C2CD2L: variants seen among roughly 807,000 people sequenced by gnomAD.
The protein encoded by C2CD2L is phospholipid transfer protein C2CD2L.
A neutral mutation model predicts 69.9 loss-of-function variants in C2CD2L; 24 were observed. The ratio of observed to expected loss-of-function variants is 0.34; its 90% confidence interval spans 0.25 to 0.48. The LOEUF is 0.48. Among genes scored for constraint, C2CD2L ranks in the 20% least tolerant of loss-of-function variants. C2CD2L has a pLI of 0.99. For missense variants in C2CD2L, 811 were observed against 941.5 expected, an observed-to-expected ratio of 0.86 and a Z score of 1.81; for synonymous variants, 367 against 391.0, an observed-to-expected ratio of 0.94 and a Z score of 0.72.
At chr11:119,105,452 A>G (rs1400247591), upstream of C2CD2L, among the ~76,000 whole-genome samples, 2 of 152,168 alleles carry the variant, frequency 1.3e-5, no homozygotes, top group Admixed American at 6.5e-5. Flanking sequence ...CAGCCTGGCC[A>G]ACATGGTGAA....
rs375477516 is a variant in C2CD2L at position 119,111,353 on chromosome 11, C to T, written c.889C>T (p.His297Tyr). Reference sequence around the variant, plus strand: ...ATTCCTACGGCAGCTTCGGGCATCTCACTTGGGAAATGAGCTGGAAGGTGA... The same window carrying T: ...ATTCCTACGGCAGCTTCGGGCATCTTACTTGGGAAATGAGCTGGAAGGTGA... ...RLFLRQLRAS[H>Y]LGNELEGTEE... The change falls in exon 6 of 14, where the codon CAC becomes TAC. Residue 297 changes from histidine (H) to tyrosine (Y), a missense_variant. His to Tyr is a moderately conservative substitution (Grantham distance 83, BLOSUM62 2). Transcript: ENST00000648610. The T allele has an allele frequency of 5.6e-6, 9 of 1,614,066 alleles. No individual in the cohort carries two copies. Among genetic ancestry groups the T allele is most frequent in the South Asian group, 1.1e-5 (1 of 91,082 alleles).
Position 119,114,229 on chromosome 11 carries a change from C to G in C2CD2L, c.1773C>G (p.Leu591=), listed in dbSNP as rs1946828458. 1 of 1,614,046 alleles carries G rather than the reference C, an allele frequency of 6.2e-7. No individual in the cohort carries two copies. Among genetic ancestry groups the G allele is most frequent in the Non-Finnish European group, 8.5e-7 (1 of 1,180,032 alleles). The change falls in exon 13 of 14, where the codon CTC becomes CTG. Residue 591 remains leucine, a synonymous_variant. Coordinates refer to ENST00000648610, the MANE Select transcript of C2CD2L (RefSeq NM_001290474.2). The surrounding 1 kb of genome is among the most constrained non-coding windows in gnomAD (Gnocchi z 5.1). ...PAMSPGPLDA[L]SSPTSVQEAD... ...TGTCTCCAGGACCGCTAGATGCCCT[C>G]TCTAGTCCCACAAGTGTCCAGGAAG...
chr11:119,111,949 A>G (rs1267828133), intron 7 of C2CD2L: 16 of 449,290 alleles, frequency 3.6e-5, no homozygotes, highest in Non-Finnish European at 5.2e-5. Flanking sequence ...TAAGGATCAG[A>G]GTAGGCTTCA....
rs778038951 is a variant in C2CD2L at position 119,110,225 on chromosome 11, C to T, written c.450+26C>T. The T allele has an allele frequency of 1.3e-6, 2 of 1,539,368 alleles. No homozygotes were observed. The highest frequency in any genetic ancestry group is 2.7e-5 in the African/African-American group (2 of 73,374). On this transcript the variant is annotated intron_variant, in intron 2 of 13. Transcript: ENST00000648610. The surrounding 1 kb of genome is among the most constrained non-coding windows in gnomAD (Gnocchi z 5.7). The stretch of plus-strand genomic sequence containing the variant: ...GTAAGGGTCTGATGGGCACTGCCCT[C>T]TTTGGGGTCCAAGAAGGACTGACCC...
Position 119,110,627 on chromosome 11 carries a change from G to A in C2CD2L, c.517G>A (p.Ala173Thr), listed in dbSNP as rs769498574. The A allele has an allele frequency of 2.4e-5, 38 of 1,612,720 alleles. No homozygotes were observed. Among genetic ancestry groups the A allele is most frequent in the African/African-American group, 1.3e-4 (10 of 74,852 alleles). ...AGTCTCTGTGACCCAGCAGTCCCCC[G>A]CTGCCGTCTCCATGGAGACCTACCA... The part of the protein sequence containing the change: ...FPVSVTQQSP[A>T]AVSMETYHVT... The change falls in exon 3 of 14, where the codon GCT becomes ACT. Residue 173 changes from alanine to threonine, a missense_variant. Coordinates refer to ENST00000648610, the MANE Select transcript of C2CD2L (RefSeq NM_001290474.2). The surrounding 1 kb of genome is among the most constrained non-coding windows in gnomAD (Gnocchi z 5.7).
In C2CD2L at chr11:119,111,056, G is replaced by T. The variant is rs769966825; in HGVS notation, c.686G>T (p.Gly229Val). 1.2e-6 allele frequency: 2 copies of T among 1,613,462 alleles called. No homozygotes were observed. The highest frequency in any genetic ancestry group is 1.7e-5 in the Admixed American group (1 of 60,024). The change falls in exon 5 of 14, where the codon GGT (glycine) becomes GTT (valine). Residue 229 changes from glycine to valine, a missense_variant. Transcript: ENST00000648610. ...GTTCCCTTCTTCTCTCTGCAGAGAG[G>T]TGAAGAACAAGTGGAGCTCTCCACA... ...VLPKLQARER[G>V]EEQVELSTIE...
In C2CD2L at chr11:119,107,478, C is replaced by T. The variant is rs1282061733; in HGVS notation, c.-264C>T. On this transcript the variant is annotated 5_prime_UTR_variant, in exon 1 of 14. Transcript: ENST00000648610. This position sits in a 1 kb window ranked among gnomAD's most constrained non-coding sequence, Gnocchi z 5.4. ...GCGGTGGGAGGAGTCGGGCACTGGCCGGCGACTAACGGGTCCGACTGCTGA... is the reference window on the plus strand; with the variant it reads ...GCGGTGGGAGGAGTCGGGCACTGGCTGGCGACTAACGGGTCCGACTGCTGA... 8 of 335,988 alleles carry T rather than the reference C, an allele frequency of 2.4e-5. No homozygotes were observed. In the East Asian group the frequency reaches 3.7e-4, roughly 15 times the overall value. The allele number at this position is 335,988 out of a possible 1,614,324, so 20.8% of individuals were successfully genotyped here. A position where few individuals can be genotyped will look rare whatever the true frequency, so the allele number is the denominator to read the frequency against.
chr11:119,102,409 C>A (rs757021476), upstream of C2CD2L: 3 of 452,828 alleles, frequency 6.6e-6, no homozygotes, highest in African/African-American at 6.1e-5. Flanking sequence ...AACAAAGCTA[C>A]GATTTGGAAG....
At position 119,110,926 on chromosome 11, in the gene C2CD2L, T is replaced by A; in HGVS notation, c.650T>A (p.Leu217Gln). 1.2e-6 allele frequency: 2 copies of A among 1,614,150 alleles called. No individual in the cohort carries two copies. The highest frequency in any genetic ancestry group is 2.7e-5 in the African/African-American group (2 of 75,064). Residue 217 changes from leucine to glutamine, a missense_variant, in exon 4 of 14, where the codon CTA (leucine) becomes CAA (glutamine). By Grantham distance (113) the Leu-to-Gln change is moderately radical. Coordinates refer to ENST00000648610, the MANE Select transcript of C2CD2L (RefSeq NM_001290474.2). This position sits in a 1 kb window ranked among gnomAD's most constrained non-coding sequence, Gnocchi z 5.7. ...TTCACTGATCGCCCAGATCTCAGCC[T>A]AACGGTGCTTCCCAAGCTTCAGGCC... is the stretch of plus-strand genomic sequence containing the variant. ...WAFTDRPDLS[L>Q]TVLPKLQARE...
Position 119,113,848 on chromosome 11 carries a change from CT to C in C2CD2L, c.1490-6del. 3.7e-6 allele frequency: 6 copies of C among 1,613,920 alleles called. No homozygotes were observed. Among genetic ancestry groups the C allele is most frequent in the Non-Finnish European group, 5.1e-6 (6 of 1,179,822 alleles). On this transcript the variant is annotated splice_region_variant and splice_polypyrimidine_tract_variant and intron_variant, in intron 11 of 13. Transcript: ENST00000648610. ...GTCAGGTTATTCATTCTCTGCACCC[CT>C]AGCAGGGGACAGCCACCTTTCCAAC...
chr11:119,113,961 C>T lies in C2CD2L; in HGVS notation c.1596C>T (p.Ser532=). 6.2e-7 allele frequency: 1 copy of T among 1,614,212 alleles called. No individual in the cohort carries two copies. Among genetic ancestry groups the T allele is most frequent in the South Asian group, 1.1e-5 (1 of 91,086 alleles). ...RVAKKTPTKR[S]TLIISGVSKV... The stretch of plus-strand genomic sequence containing the variant: ...CCAAGAAGACACCCACCAAGCGCAG[C>T]ACTCTCATCATCTCTGGTGTTTCCA... The change falls in exon 12 of 14, where the codon AGC becomes AGT. Residue 532 remains serine (S), a synonymous_variant. Transcript: ENST00000648610.
upstream of C2CD2L, among the ~76,000 whole-genome samples, chr11:119,103,703 A>T (rs764004047): frequency 2.0e-5 from 3 of 152,188 alleles, no homozygotes; most frequent in African/African-American, 4.8e-5. Flanking sequence ...CTCAAAACAA[A>T]CAAACAAACA....
chr11:119,110,482 G>T lies in C2CD2L; in HGVS notation c.451-79G>T, dbSNP rs1012026507. Reference sequence around the variant, plus strand: ...CTTAGGAAAACGGAAGTGGGGAGGGGTCTGCTGAACTATTACAGGGCAGTT... The same window carrying T: ...CTTAGGAAAACGGAAGTGGGGAGGGTTCTGCTGAACTATTACAGGGCAGTT... On this transcript the variant is annotated intron_variant, in intron 2 of 13. Coordinates refer to ENST00000648610, the MANE Select transcript of C2CD2L (RefSeq NM_001290474.2). The surrounding 1 kb of genome is among the most constrained non-coding windows in gnomAD (Gnocchi z 5.7). 13 of 1,489,078 alleles carry T rather than the reference G, an allele frequency of 8.7e-6. No individual in the cohort carries two copies. The Admixed American group carries it at 2.7e-4, about 31-fold the overall frequency. The allele number at this position is 1,489,078 out of a possible 1,614,324, so 92.2% of individuals were successfully genotyped here. A position where few individuals can be genotyped will look rare whatever the true frequency, so the allele number is the denominator to read the frequency against.
At chr11:119,113,331 C>T in intron 10 of C2CD2L, 2 of 451,026 alleles carry the variant, frequency 4.4e-6, no homozygotes, top group South Asian at 7.3e-5. Flanking sequence ...CTGAATTGCC[C>T]CAACTTCAGG....
In C2CD2L at chr11:119,110,523, AC is replaced by A; in HGVS notation, c.451-35del. On this transcript the variant is annotated intron_variant, in intron 2 of 13. Coordinates refer to ENST00000648610, the MANE Select transcript of C2CD2L (RefSeq NM_001290474.2). The surrounding 1 kb of genome is among the most constrained non-coding windows in gnomAD (Gnocchi z 5.7). ...CAGGGCAGTTCAAAGCAGGGTGAGC[AC>A]CCTTCCCCCACATCTGACCCACCTC... is the stretch of plus-strand genomic sequence containing the variant. 1 of 1,593,758 alleles carries A rather than the reference AC, an allele frequency of 6.3e-7. No homozygotes were observed. The highest frequency in any genetic ancestry group is 1.1e-5 in the South Asian group (1 of 89,298).
chr11:119,110,282 C>A lies in C2CD2L; in HGVS notation c.450+83C>A. The A allele has an allele frequency of 2.8e-6, 3 of 1,062,102 alleles. No homozygotes were observed. Among genetic ancestry groups the A allele is most frequent in the Non-Finnish European group, 2.9e-6 (2 of 697,536 alleles). 65.8% of individuals were successfully genotyped at this position (1,062,102 alleles called of 1,614,324 possible). Reference sequence around the variant, plus strand: ...CTCCCTTTAGTCCAGAGGTTCTTAACCTGGAGTCTGTGAATGCCTTATGGA... The same window carrying A: ...CTCCCTTTAGTCCAGAGGTTCTTAAACTGGAGTCTGTGAATGCCTTATGGA... On this transcript the variant is annotated intron_variant, in intron 2 of 13. Coordinates refer to ENST00000648610, the MANE Select transcript of C2CD2L (RefSeq NM_001290474.2). The surrounding 1 kb of genome is among the most constrained non-coding windows in gnomAD (Gnocchi z 5.7).
chr11:119,113,120 A>G, intron 10 of C2CD2L: 3 of 564,018 alleles, frequency 5.3e-6, no homozygotes, highest in Non-Finnish European at 9.5e-6. Flanking sequence ...CTCCTCATAC[A>G]GGACTGTTGC....
Position 119,117,085 on chromosome 11 carries a change from G to A in C2CD2L, c.*829G>A, listed in dbSNP as rs1398978401. On this transcript the variant is annotated 3_prime_UTR_variant, in exon 14 of 14. Coordinates refer to ENST00000648610, the MANE Select transcript of C2CD2L (RefSeq NM_001290474.2). Reference sequence around the variant, plus strand: ...ATGTCCATTGCTGTGTGATGGCTTGGAATTTAATTTATTAAAGTCAAATTG... The same window carrying A: ...ATGTCCATTGCTGTGTGATGGCTTGAAATTTAATTTATTAAAGTCAAATTG... 1 of 152,662 alleles carries A rather than the reference G, an allele frequency of 6.6e-6. No homozygotes were observed. The highest frequency in any genetic ancestry group is 1.5e-5 in the Non-Finnish European group (1 of 68,058). 9.5% of individuals were successfully genotyped at this position (152,662 alleles called of 1,614,324 possible). A position where few individuals can be genotyped will look rare whatever the true frequency, so the allele number is the denominator to read the frequency against.
Position 119,107,859 on chromosome 11 carries a change from G to C in C2CD2L, c.118G>C (p.Ala40Pro). Residue 40 changes from alanine to proline, a missense_variant, in exon 1 of 14, where the codon GCG becomes CCG. Physicochemically the swap from Ala to Pro is conservative, Grantham distance 27. Coordinates refer to ENST00000648610, the MANE Select transcript of C2CD2L (RefSeq NM_001290474.2). The surrounding 1 kb of genome is among the most constrained non-coding windows in gnomAD (Gnocchi z 5.4). The stretch of plus-strand genomic sequence containing the variant: ...GCAATATGCCCGGGGCTTGTGGCTG[G>C]CGCGGGCCCGCGGGGACCGGGGCCC... ...LLQYARGLWL[A>P]RARGDRGPGP... 1 of 1,521,418 alleles carries C rather than the reference G, an allele frequency of 6.6e-7. No individual in the cohort carries two copies. Among genetic ancestry groups the C allele is most frequent in the Non-Finnish European group, 8.7e-7 (1 of 1,144,826 alleles). The allele number at this position is 1,521,418 out of a possible 1,614,324, so 94.2% of individuals were successfully genotyped here.
Sources: gnomAD v4.1 joint callset for allele counts (sites outside exome capture counted in the v4.1 genomes callset) on GRCh38, gnomAD v4.1.1 for gene constraint, Gnocchi (gnomAD v3.1) non-coding constraint, MANE v1.5 for transcripts, NCBI Gene and HGNC (gene_info 2026-07-23, HGNC 2026-07-21) for gene names.